YAE1: variants seen among roughly 807,000 people sequenced by gnomAD.
YAE1 encodes protein YAE1 homolog.
In YAE1, 22 loss-of-function variants were observed where a neutral mutation model predicts 23.0. The observed-to-expected ratio is 0.96, with a 90% CI of 0.68 to 1.37. The LOEUF is 1.37. YAE1 is among the 40% of genes most tolerant of loss of function. YAE1 has a pLI of 0.00. For synonymous variants in YAE1, 101 were observed against 97.0 expected (o/e 1.04, Z -0.24); for missense variants, 260 against 262.1 (o/e 0.99, Z 0.06).
downstream of YAE1, among the ~76,000 whole-genome samples, chr7:39,575,575 A>AGAGAGAGT (rs1339594299): frequency 2.8e-3 from 225 of 81,624 alleles, no homozygotes; most frequent in African/African-American, 0.014. Flanking sequence ...AGAGAGAGAG[A>AGAGAGAGT]GAGTGAGTGT....
intron 2 of YAE1, among the ~76,000 whole-genome samples, chr7:39,582,903 A>G (rs4720328): frequency 0.67 from 101,840 of 152,192 alleles, 34,972 homozygotes; most frequent in African/African-American, 0.83. Flanking sequence ...GAAAGATGCC[A>G]AAGATCGGTA....
chr7:39,609,951 T>C (rs1276194056), exon 3 of YAE1: 17 of 1,521,752 alleles, frequency 1.1e-5, no homozygotes, highest in Non-Finnish European at 1.5e-5. Context: ...TTTTTCAACA[T>C]ATAATAGAAT....
chr7:39,590,816 A>G (rs866856059), intron 2 of YAE1, among the ~76,000 whole-genome samples: 19 of 152,258 alleles, frequency 1.2e-4, no homozygotes, highest in Non-Finnish European at 1.0e-4. Context: ...TGGATTAGGG[A>G]CACTCAACCT....
At chr7:39,583,629 A>C (rs1045962077) in intron 2 of YAE1, among the ~76,000 whole-genome samples, 2 of 152,242 alleles carry the variant, frequency 1.3e-5, no homozygotes, top group Non-Finnish European at 2.9e-5. Flanking sequence ...TATTTTGTAC[A>C]TGTTAATAAC....
At position 39,570,574 on chromosome 7, in the gene YAE1, T is replaced by C. The variant is rs770168015; in HGVS notation, c.198T>C (p.Tyr66=). The C allele has an allele frequency of 6.2e-7, 1 of 1,611,742 alleles. No individual in the cohort carries two copies. Among genetic ancestry groups the C allele is most frequent in the Non-Finnish European group, 8.5e-7 (1 of 1,179,666 alleles). The change falls in exon 2 of 3, where the codon TAT becomes TAC. Residue 66 remains tyrosine (Y), a synonymous_variant. Transcript: ENST00000223273. ...VTLQQGFNQG[Y]KKGAEVILNY... is the part of the protein sequence containing the mutation. Reference sequence around the variant, plus strand: ...TTCAACAGGGCTTCAATCAAGGTTATAAGAAAGGTGCAGAAGTCATTTTAA... The same window carrying C: ...TTCAACAGGGCTTCAATCAAGGTTACAAGAAAGGTGCAGAAGTCATTTTAA...
chr7:39,572,678 A>T lies in YAE1; in HGVS notation c.653A>T (p.Asp218Val), dbSNP rs780161439. Residue 218 changes from aspartate to valine, a missense_variant, in exon 3 of 3, where the codon GAT becomes GTT. Transcript: ENST00000223273. ...SLVKQLGLSV[D>V]VLQHLKQL ...GTTAAACAGCTGGGCCTATCAGTAG[A>T]TGTATTACAACACCTCAAACAACTA... is the stretch of plus-strand genomic sequence containing the variant. 1.6e-5 allele frequency: 26 copies of T among 1,602,346 alleles called. No homozygotes were observed. The highest frequency in any genetic ancestry group is 2.1e-5 in the Non-Finnish European group (25 of 1,176,580).
chr7:39,578,098 A>T (rs1304740002), intron 2 of YAE1, among the ~76,000 whole-genome samples: 1 of 152,052 alleles, frequency 6.6e-6, no homozygotes, highest in East Asian at 1.9e-4. Context: ...CTCTGTGTCT[A>T]GCTAATCTGG....
intron 2 of YAE1, among the ~76,000 whole-genome samples, chr7:39,580,715 C>T (rs1272195586): frequency 1.3e-5 from 2 of 152,142 alleles, no homozygotes; most frequent in Non-Finnish European, 2.9e-5. Flanking sequence ...AAAGCTATAC[C>T]AGACAGATTG....
intron 2 of YAE1, among the ~76,000 whole-genome samples, chr7:39,593,177 C>CTTTTTTTTTTTTTTTTTTTTTTTTTTT (rs56303591): frequency 5.5e-5 from 4 of 72,112 alleles, no homozygotes; most frequent in Non-Finnish European, 6.9e-5. Context: ...TTGGTTATTT[C>CTTTTTTTTTTTTTTTTTTTTTTTTTTT]TTTTTTTTTT....
At chr7:39,597,448 G>A (rs1281818897) in intron 2 of YAE1, among the ~76,000 whole-genome samples, 3 of 152,114 alleles carry the variant, frequency 2.0e-5, no homozygotes, top group Non-Finnish European at 1.5e-5. Flanking sequence ...TGTATGACTG[G>A]GAACCTGTTT....
At chr7:39,610,160 G>A (rs924177068) in exon 3 of YAE1, 1 of 783,142 alleles carries the variant, frequency 1.3e-6, no homozygotes, top group Non-Finnish European at 2.0e-6. Context: ...AGAAGATTTG[G>A]GAGGAGTATG....
chr7:39,605,360 A>G (rs1791115188), intron 2 of YAE1, among the ~76,000 whole-genome samples: 1 of 152,218 alleles, frequency 6.6e-6, no homozygotes, highest in African/African-American at 2.4e-5. Flanking sequence ...GCTGGATGAC[A>G]TTAACATTTG....
downstream of YAE1, among the ~76,000 whole-genome samples, chr7:39,575,489 T>C (rs1790638219): frequency 6.6e-6 from 1 of 150,544 alleles, no homozygotes; most frequent in African/African-American, 2.4e-5. Context: ...CTCTTCCAAC[T>C]AAGGTTAGAG....
chr7:39,568,360 A>T (rs1790510270), intron 1 of YAE1, among the ~76,000 whole-genome samples: 1 of 152,082 alleles, frequency 6.6e-6, no homozygotes, highest in Non-Finnish European at 1.5e-5. Flanking sequence ...CATTTAAAAC[A>T]TATACAAGAA....
At chr7:39,567,800 G>A (rs6462932) in intron 1 of YAE1, among the ~76,000 whole-genome samples, 99,677 of 152,006 alleles carry the variant, frequency 0.66, 33,350 homozygotes, top group African/African-American at 0.79. Flanking sequence ...TCTCCTATCC[G>A]CAGAGCCTAG....
downstream of YAE1, among the ~76,000 whole-genome samples, chr7:39,574,888 G>C (rs562362980): frequency 2.0e-5 from 3 of 152,252 alleles, no homozygotes; most frequent in South Asian, 6.2e-4. Flanking sequence ...CTGAGTAACA[G>C]AGCAATACCC....
At chr7:39,572,201 T>A in intron 2 of YAE1, 76 bp from the exon 3 acceptor site, 5 of 1,410,562 alleles carry the variant, frequency 3.5e-6, no homozygotes, top group Non-Finnish European at 4.7e-6. Flanking sequence ...TCCAATCGTT[T>A]AATTGTTATT....
chr7:39,591,476 T>C lies in YAE1; in HGVS notation c.252-18141T>C, dbSNP rs536116055. Among the ~76,000 whole-genome samples the C allele has an allele frequency of 5.3e-4, 81 of 152,330 alleles. 1 individual carries two copies. Among genetic ancestry groups the C allele is most frequent in the Middle Eastern group, 6.8e-3 (2 of 294 alleles). ...AATGCCTTTTATTTCCCTTTTATTC[T>C]TTTTTTATTCCCTTTTGTTCTTGAA... On this transcript the variant is annotated intron_variant, in intron 2 of 2. Transcript: ENST00000432096.
chr7:39,608,698 G>A (rs573465484), intron 2 of YAE1, among the ~76,000 whole-genome samples: 6 of 152,174 alleles, frequency 3.9e-5, no homozygotes, highest in African/African-American at 1.4e-4. Context: ...ACATTTTCTA[G>A]GATTTCATTC....
Sources: allele counts gnomAD v4.1 joint callset (sites outside exome capture counted in the v4.1 genomes callset), GRCh38; gene constraint gnomAD v4.1.1; transcripts MANE v1.5; gene names NCBI Gene and HGNC (gene_info 2026-07-23, HGNC 2026-07-21).